SNTG1: variants seen among roughly 807,000 people sequenced by gnomAD.
SNTG1 encodes gamma-1-syntrophin.
Under a neutral mutation model 74.7 loss-of-function variants are expected in SNTG1, and 39 were observed. The observed-to-expected ratio is 0.52, with a 90% CI of 0.40 to 0.68. SNTG1 has a LOEUF of 0.68. SNTG1 is among the 30% of genes least tolerant of loss of function. SNTG1 has a pLI of 0.00. For missense variants in SNTG1, 685 were observed against 609.5 expected (o/e 1.12, Z -1.30); for synonymous variants, 254 against 217.1 (o/e 1.17, Z -1.49).
At chr8:50,307,542 G>T (rs2089952278) in intron 2 of SNTG1, among the ~76,000 whole-genome samples, 1 of 151,318 alleles carries the variant, frequency 6.6e-6, no homozygotes, top group Non-Finnish European at 1.5e-5. Context: ...TCTGAAAAAA[G>T]TATTTTATTT....
chr8:50,539,963 T>C (rs1439824087), intron 11 of SNTG1, among the ~76,000 whole-genome samples: 1 of 152,190 alleles, frequency 6.6e-6, no homozygotes, highest in Non-Finnish European at 1.5e-5. Flanking sequence ...CTGTTAGCCA[T>C]TCAGATTGGA....
intron 2 of SNTG1, among the ~76,000 whole-genome samples, chr8:50,222,109 CA>C (rs989552158): frequency 6.6e-5 from 10 of 152,070 alleles, no homozygotes; most frequent in African/African-American, 1.9e-4. Flanking sequence ...CAAAAGCCTG[CA>C]AAAGCCAGAA....
intron 1 of SNTG1, among the ~76,000 whole-genome samples, chr8:50,090,964 T>G (rs1377152156): frequency 6.6e-6 from 1 of 152,130 alleles, no homozygotes; most frequent in Non-Finnish European, 1.5e-5. Flanking sequence ...GTTTACTACT[T>G]TTAAAAATGC....
intron 8 of SNTG1, among the ~76,000 whole-genome samples, chr8:50,466,407 A>C (rs563804973): frequency 1.4e-4 from 21 of 152,068 alleles, no homozygotes; most frequent in African/African-American, 5.1e-4. Flanking sequence ...GATCATGTGT[A>C]TTCTTTTGCC....
chr8:50,724,474 G>C (rs2131600476), intron 17 of SNTG1, among the ~76,000 whole-genome samples: 1 of 152,128 alleles, frequency 6.6e-6, no homozygotes, highest in Middle Eastern at 3.4e-3. Context: ...CCTGGTATTG[G>C]TTCACCTGTA....
At chr8:50,599,859 G>A (rs1585806826) in intron 13 of SNTG1, among the ~76,000 whole-genome samples, 3 of 152,162 alleles carry the variant, frequency 2.0e-5, no homozygotes, top group Admixed American at 2.0e-4. Flanking sequence ...TAACAGTTGG[G>A]AAAGTGGGCT....
chr8:50,027,333 G>A (rs1261345523), intron 1 of SNTG1, among the ~76,000 whole-genome samples: 1 of 152,100 alleles, frequency 6.6e-6, no homozygotes, highest in Admixed American at 6.6e-5. Context: ...GTTGACACCA[G>A]CCTTATCCAG....
intron 18 of SNTG1, among the ~76,000 whole-genome samples, chr8:50,779,391 T>C (rs2095651451): frequency 6.6e-6 from 1 of 152,176 alleles, no homozygotes; most frequent in Admixed American, 6.5e-5. Context: ...AGCAGTGGTT[T>C]GTAGTTCTCC....
chr8:50,284,396 A>G (rs2088645435), intron 2 of SNTG1, among the ~76,000 whole-genome samples: 2 of 152,110 alleles, frequency 1.3e-5, no homozygotes, highest in African/African-American at 4.8e-5. Flanking sequence ...TACCCTGAAC[A>G]TGCCCCATCA....
chr8:50,662,905 C>T (rs879695690), intron 15 of SNTG1, among the ~76,000 whole-genome samples: 5 of 152,104 alleles, frequency 3.3e-5, no homozygotes, highest in Non-Finnish European at 2.9e-5. Flanking sequence ...TCAGTTACTT[C>T]GAGTACCTTC....
At chr8:50,007,973 C>G (rs1054366711) in intron 1 of SNTG1, among the ~76,000 whole-genome samples, 1 of 151,982 alleles carries the variant, frequency 6.6e-6, no homozygotes, top group Non-Finnish European at 1.5e-5. Context: ...ACTTTTAAAA[C>G]CATCAGATTT....
At chr8:50,039,476 A>C (rs907226093) in intron 1 of SNTG1, among the ~76,000 whole-genome samples, 10 of 151,114 alleles carry the variant, frequency 6.6e-5, no homozygotes, top group Non-Finnish European at 1.0e-4. Flanking sequence ...AAAAAAAAAA[A>C]AAAAAAACTC....
At chr8:50,288,291 T>C (rs1056360446) in intron 2 of SNTG1, among the ~76,000 whole-genome samples, 1 of 152,200 alleles carries the variant, frequency 6.6e-6, no homozygotes, top group African/African-American at 2.4e-5. Context: ...ATATTTTTAA[T>C]TGTTTTACAA....
intron 1 of SNTG1, among the ~76,000 whole-genome samples, chr8:50,059,941 T>C (rs1052952840): frequency 6.6e-6 from 1 of 152,094 alleles, no homozygotes; most frequent in African/African-American, 2.4e-5. Context: ...AGCAGGTGCA[T>C]TATTTCATTT....
chr8:50,254,948 C>CTTTTT (rs4006072), intron 2 of SNTG1, among the ~76,000 whole-genome samples: 5 of 85,258 alleles, frequency 5.9e-5, no homozygotes, highest in African/African-American at 1.2e-4. Flanking sequence ...TTTATTGCCA[C>CTTTTT]TTTTTTTTTT....
intron 2 of SNTG1, among the ~76,000 whole-genome samples, chr8:50,174,728 T>A (rs74711219): frequency 0.28 from 41,893 of 152,118 alleles, 5,883 homozygotes; most frequent in Middle Eastern, 0.41. Context: ...TTTATTTTTA[T>A]ACTTTAAGTT....
intron 2 of SNTG1, among the ~76,000 whole-genome samples, chr8:50,315,700 G>A (rs1041771944): frequency 2.2e-5 from 3 of 138,238 alleles, no homozygotes; most frequent in African/African-American, 9.0e-5. Flanking sequence ...GACACTTATA[G>A]TGAATATGCC....
At chr8:50,463,104 C>T (rs184894235) in intron 8 of SNTG1, among the ~76,000 whole-genome samples, 10 of 152,168 alleles carry the variant, frequency 6.6e-5, no homozygotes, top group African/African-American at 1.9e-4. Context: ...CGTAAGCCAC[C>T]ACGTCCAGCC....
chr8:50,703,652 CATT>C (rs2095433883), intron 15 of SNTG1, among the ~76,000 whole-genome samples: 2 of 152,038 alleles, frequency 1.3e-5, no homozygotes, highest in Non-Finnish European at 2.9e-5. Context: ...TTCTTATCAT[CATT>C]ATTATTATGT....
Sources: allele counts gnomAD v4.1 joint callset (sites outside exome capture counted in the v4.1 genomes callset), GRCh38; gene constraint gnomAD v4.1.1; transcripts MANE v1.5; gene names NCBI Gene and HGNC (gene_info 2026-07-23, HGNC 2026-07-21).